The following KCND2 variants were observed in gnomAD, a reference collection of about 807,000 sequenced individuals.
The protein encoded by KCND2 is A-type voltage-gated potassium channel KCND2.
A neutral mutation model predicts 54.4 loss-of-function variants in KCND2; 16 were observed. The ratio of observed to expected loss-of-function variants is 0.29; its 90% CI spans 0.20 to 0.45. The LOEUF (loss-of-function observed/expected upper bound fraction) is 0.45. Among genes scored for constraint, KCND2 ranks in the 20% least tolerant of loss-of-function variants. The pLI is 1.00. For missense variants in KCND2, 486 were observed against 824.2 expected (o/e 0.59, Z 5.02); for synonymous variants, 317 against 310.7 (o/e 1.02, Z -0.21).
chr7:120,563,699 A>G (rs1792263473), intron 1 of KCND2, among the ~76,000 whole-genome samples: 1 of 152,098 alleles, frequency 6.6e-6, no homozygotes, highest in Admixed American at 6.6e-5. Context: ...CAGTATTTCA[A>G]ATACTCCAGG....
At chr7:120,604,783 T>C (rs1792860788) in intron 1 of KCND2, among the ~76,000 whole-genome samples, 1 of 152,100 alleles carries the variant, frequency 6.6e-6, no homozygotes, top group Non-Finnish European at 1.5e-5. Context: ...AATTTTTTTA[T>C]GGTGCATCAT....
intron 1 of KCND2, among the ~76,000 whole-genome samples, chr7:120,709,271 A>G (rs1170919387): frequency 1.3e-5 from 2 of 152,162 alleles, no homozygotes. Flanking sequence ...TCAAATTATT[A>G]CCATGAATTT....
chr7:120,470,359 G>A (rs996684836), intron 1 of KCND2, among the ~76,000 whole-genome samples: 1 of 151,996 alleles, frequency 6.6e-6, no homozygotes. Flanking sequence ...ATTTATTCTT[G>A]TAGACTCTAC....
At chr7:120,477,777 A>G (rs896754389) in intron 1 of KCND2, among the ~76,000 whole-genome samples, 2 of 152,178 alleles carry the variant, frequency 1.3e-5, no homozygotes, top group South Asian at 2.1e-4. Flanking sequence ...TGACTGAAGT[A>G]AGATAGAGCC....
intron 1 of KCND2, among the ~76,000 whole-genome samples, chr7:120,572,320 AGAGT>A (rs1792376096): frequency 6.6e-6 from 1 of 152,212 alleles, no homozygotes; most frequent in African/African-American, 2.4e-5. Flanking sequence ...ATTGGACTGC[AGAGT>A]GAGTTCAAAG....
At chr7:120,675,962 A>G (rs1229195804) in intron 1 of KCND2, among the ~76,000 whole-genome samples, 2 of 150,362 alleles carry the variant, frequency 1.3e-5, no homozygotes, top group African/African-American at 2.5e-5. Flanking sequence ...AATTGGAGCA[A>G]TTCTTATGCC....
chr7:120,465,774 G>T (rs1264920178), intron 1 of KCND2, among the ~76,000 whole-genome samples: 1 of 152,108 alleles, frequency 6.6e-6, no homozygotes, highest in Non-Finnish European at 1.5e-5. Flanking sequence ...TGTATTTGTA[G>T]TATTTAAAGT....
At chr7:120,421,741 T>C (rs1005900090) in intron 1 of KCND2, among the ~76,000 whole-genome samples, 1 of 152,246 alleles carries the variant, frequency 6.6e-6, no homozygotes, top group Non-Finnish European at 1.5e-5. Context: ...ATACAAATAC[T>C]AGTCATCATT....
chr7:120,273,755 A>C lies in KCND2; in HGVS notation c.-878A>C, dbSNP rs1419036232. On this transcript the variant is annotated 5_prime_UTR_variant, in exon 1 of 6. Transcript: ENST00000331113. ...TCTATGCAACTAAGCCCCGGCGCGC[A>C]CTTGGCCAGGTATGTACCGCGGGAG... 1 of 152,594 alleles carries C rather than the reference A, an allele frequency of 6.6e-6. No individual in the cohort carries two copies. Among genetic ancestry groups the C allele is most frequent in the Non-Finnish European group, 1.5e-5 (1 of 68,060 alleles). The allele number at this position is 152,594 out of a possible 1,614,324, so 9.5% of individuals were successfully genotyped here. A position where few individuals can be genotyped will look rare whatever the true frequency, so the allele number is the denominator to read the frequency against.
At chr7:120,409,130 G>GCTGCT (rs1435139809) in intron 1 of KCND2, among the ~76,000 whole-genome samples, 2 of 151,906 alleles carry the variant, frequency 1.3e-5, no homozygotes, top group Non-Finnish European at 2.9e-5. Flanking sequence ...AAAACAGAAT[G>GCTGCT]CTGCTGGGAA....
chr7:120,420,916 T>A (rs1480538164), intron 1 of KCND2, among the ~76,000 whole-genome samples: 1 of 152,142 alleles, frequency 6.6e-6, no homozygotes, highest in African/African-American at 2.4e-5. Flanking sequence ...CGGCAGAGAC[T>A]TGTAAGAGAA....
rs140035874 is a variant in KCND2, at chr7:120,565,382, T to G, written c.1116-167521T>G. 2.9e-3 allele frequency among the ~76,000 whole-genome samples: 445 copies of G among 152,306 alleles called. 2 individuals carry two copies. Among genetic ancestry groups the G allele is most frequent in the African/African-American group, 0.01 (424 of 41,574 alleles). On this transcript the variant is annotated intron_variant, in intron 1 of 5. Coordinates refer to ENST00000331113, the MANE Select transcript of KCND2 (RefSeq NM_012281.3). ...TATTCATAACAGAAAAGAGAGGGAA[T>G]GAAACTGTTAGGGAAAATAATCATT...
chr7:120,370,506 A>ATGGAC (rs1800750509), intron 1 of KCND2, among the ~76,000 whole-genome samples: 1 of 152,054 alleles, frequency 6.6e-6, no homozygotes, highest in Non-Finnish European at 1.5e-5. Context: ...TACAGAAGCC[A>ATGGAC]TGGACACCTT....
intron 1 of KCND2, among the ~76,000 whole-genome samples, chr7:120,546,972 C>A (rs541732023): frequency 2.0e-5 from 3 of 151,762 alleles, no homozygotes; most frequent in Admixed American, 2.0e-4. Flanking sequence ...TCCTCTGTCT[C>A]ACTATGCCCA....
At chr7:120,338,225 A>G (rs1013841958) in intron 1 of KCND2, among the ~76,000 whole-genome samples, 2 of 152,158 alleles carry the variant, frequency 1.3e-5, no homozygotes, top group Admixed American at 6.5e-5. Flanking sequence ...AACAACTAAA[A>G]TATGAAAAAC....
At chr7:120,353,401 C>CT (rs1389421969) in intron 1 of KCND2, among the ~76,000 whole-genome samples, 2 of 152,058 alleles carry the variant, frequency 1.3e-5, no homozygotes, top group Admixed American at 1.3e-4. Context: ...TTTAGTAACT[C>CT]AATCTTTGTG....
intron 1 of KCND2, among the ~76,000 whole-genome samples, chr7:120,362,416 T>G (rs572599203): frequency 8.1e-4 from 123 of 152,160 alleles, no homozygotes; most frequent in Middle Eastern, 3.4e-3. Context: ...AGACATCTAA[T>G]TAGGAAAGGA....
intron 1 of KCND2, among the ~76,000 whole-genome samples, chr7:120,317,692 T>C (rs1467825335): frequency 6.6e-6 from 1 of 152,206 alleles, no homozygotes; most frequent in Non-Finnish European, 1.5e-5. Flanking sequence ...TGTAACTCTA[T>C]GATATGGCTG....
chr7:120,635,345 A>G (rs928823747), intron 1 of KCND2, among the ~76,000 whole-genome samples: 1 of 152,240 alleles, frequency 6.6e-6, no homozygotes, highest in Non-Finnish European at 1.5e-5. Context: ...AACTATTGAG[A>G]GGACTGCAAC....
Sources: gnomAD v4.1 joint callset for allele counts (sites outside exome capture counted in the v4.1 genomes callset) on GRCh38, gnomAD v4.1.1 for gene constraint, MANE v1.5 for transcripts, NCBI Gene and HGNC (gene_info 2026-07-23, HGNC 2026-07-21) for gene names.